Variants in CEP128 observed in about 807,000 individuals in gnomAD.
CEP128 encodes centrosomal protein 128kDa.
CEP128 carries 132 observed loss-of-function variants against 156.7 expected under a neutral mutation model. The observed-to-expected ratio is 0.84, with a 90% CI of 0.73 to 0.97. The LOEUF is 0.97. Ranked by LOEUF, CEP128 falls within the 50% of genes least tolerant of loss-of-function variation. The pLI, the probability that CEP128 is intolerant of heterozygous loss-of-function variation, is 0.00. For synonymous variants in CEP128, 469 were observed against 448.9 expected, an observed-to-expected ratio of 1.04 and a Z score of -0.57; for missense variants, 1,252 against 1,281.9, an observed-to-expected ratio of 0.98 and a Z score of 0.36.
At chr14:80,574,638 T>C (rs573012607) in intron 20 of CEP128, among the ~76,000 whole-genome samples, 4 of 152,298 alleles carry the variant, frequency 2.6e-5, no homozygotes, top group Admixed American at 1.3e-4. Flanking sequence ...CTTTATATTA[T>C]AACACCCTAA....
At chr14:80,817,751 C>T (rs1163245724) in intron 13 of CEP128, among the ~76,000 whole-genome samples, 4 of 151,824 alleles carry the variant, frequency 2.6e-5, no homozygotes, top group Admixed American at 6.6e-5. Flanking sequence ...TGTGGTGGCA[C>T]GCGCCTGTAG....
At chr14:80,642,778 C>CA (rs1894474085) in intron 19 of CEP128, among the ~76,000 whole-genome samples, 1 of 148,002 alleles carries the variant, frequency 6.8e-6, no homozygotes, top group African/African-American at 2.5e-5. Flanking sequence ...TTTTTTGAGA[C>CA]AGAGTCTTGC....
At chr14:80,706,268 G>C (rs897496536) in intron 19 of CEP128, among the ~76,000 whole-genome samples, 1 of 152,082 alleles carries the variant, frequency 6.6e-6, no homozygotes, top group Non-Finnish European at 1.5e-5. Flanking sequence ...TTTCAAGAAT[G>C]AAGAATGAAA....
At chr14:80,893,991 T>C (rs986285403) in intron 8 of CEP128, among the ~76,000 whole-genome samples, 1 of 151,990 alleles carries the variant, frequency 6.6e-6, no homozygotes, top group African/African-American at 2.4e-5. Context: ...TCCTAATTCA[T>C]ACCACAAATA....
At chr14:80,774,612 TGTGTGTGTGTGTGC>T (rs1320611632) in intron 16 of CEP128, among the ~76,000 whole-genome samples, 3 of 145,880 alleles carry the variant, frequency 2.1e-5, no homozygotes, top group Non-Finnish European at 3.0e-5. Context: ...TATACATATG[TGTGTGTGTGTGTGC>T]GTGTGTGTGT....
chr14:80,488,973 AG>A (rs1887235290), downstream of CEP128, among the ~76,000 whole-genome samples: 1 of 123,446 alleles, frequency 8.1e-6, no homozygotes, highest in South Asian at 2.9e-4. Context: ...ATCACACTCC[AG>A]GGACTGTTGT....
intron 19 of CEP128, among the ~76,000 whole-genome samples, chr14:80,643,595 A>T (rs898300559): frequency 6.6e-6 from 1 of 152,102 alleles, no homozygotes; most frequent in Non-Finnish European, 1.5e-5. Flanking sequence ...CTGTAATCCC[A>T]GCTACTCGGG....
rs147101686 is a variant in CEP128 at position 80,572,976 on chromosome 14, G to T, written c.2856+7398C>A. Among the ~76,000 whole-genome samples the T allele has an allele frequency of 2.3e-3, 353 of 152,310 alleles. 1 individual carries two copies. The highest frequency in any genetic ancestry group is 8.2e-3 in the African/African-American group (340 of 41,564). ...CTTGCTCTGTTGGCCAGGCTAGAGT[G>T]CAATGGCGCGATCTCGGCTCACCGC... On this transcript the variant is annotated intron_variant, in intron 20 of 24. Coordinates refer to ENST00000555265, the MANE Select transcript of CEP128 (RefSeq NM_152446.5).
chr14:80,487,521 T>G (rs1422387375), downstream of CEP128, among the ~76,000 whole-genome samples: 1 of 152,064 alleles, frequency 6.6e-6, no homozygotes, highest in African/African-American at 2.4e-5. Flanking sequence ...CTGCACCAAG[T>G]GGACCTAATA....
intron 19 of CEP128, among the ~76,000 whole-genome samples, chr14:80,587,532 C>T (rs1282889218): frequency 1.3e-5 from 2 of 152,150 alleles, no homozygotes; most frequent in African/African-American, 4.8e-5. Flanking sequence ...AGATTTAAAA[C>T]CACTTGCCAC....
At chr14:80,642,708 G>A (rs918253627) in intron 19 of CEP128, among the ~76,000 whole-genome samples, 1 of 150,974 alleles carries the variant, frequency 6.6e-6, no homozygotes, top group African/African-American at 2.4e-5. Context: ...AAATAAACTT[G>A]TAAGAAATGT....
chr14:80,762,257 A>G (rs1900007100), intron 16 of CEP128, among the ~76,000 whole-genome samples: 1 of 136,786 alleles, frequency 7.3e-6, no homozygotes, highest in Admixed American at 7.2e-5. Context: ...GGCAAAAATA[A>G]TTCTAAATCA....
At chr14:80,553,708 T>C (rs1036781077) in intron 21 of CEP128, among the ~76,000 whole-genome samples, 7 of 151,922 alleles carry the variant, frequency 4.6e-5, no homozygotes, top group Non-Finnish European at 8.8e-5. Flanking sequence ...TGCATGGGTA[T>C]AGTTTTAATT....
intron 19 of CEP128, among the ~76,000 whole-genome samples, chr14:80,727,458 G>A (rs1243666822): frequency 6.6e-6 from 1 of 151,826 alleles, no homozygotes; most frequent in South Asian, 2.1e-4. Flanking sequence ...AAAAGAGACC[G>A]AAAAACCAAG....
At chr14:80,898,862 T>C (rs578036237) in intron 7 of CEP128, among the ~76,000 whole-genome samples, 1 of 152,276 alleles carries the variant, frequency 6.6e-6, no homozygotes, top group East Asian at 1.9e-4. Context: ...CATGTGAAAA[T>C]GATTTTGAAC....
chr14:80,639,116 C>CA (rs999449931), intron 19 of CEP128, among the ~76,000 whole-genome samples: 2 of 151,410 alleles, frequency 1.3e-5, no homozygotes, highest in African/African-American at 4.8e-5. Flanking sequence ...GGTATTTAAC[C>CA]AAAAAAAATC....
chr14:80,837,526 G>A (rs145950624), intron 11 of CEP128, among the ~76,000 whole-genome samples: 27 of 152,196 alleles, frequency 1.8e-4, no homozygotes, highest in Middle Eastern at 3.4e-3. Flanking sequence ...GAACATCCTG[G>A]CCAACATGGT....
At chr14:80,494,485 C>T (rs935904406), downstream of CEP128, among the ~76,000 whole-genome samples, 3 of 152,114 alleles carry the variant, frequency 2.0e-5, no homozygotes, top group South Asian at 6.2e-4. Flanking sequence ...TTATCTCTTC[C>T]TAAAAAAAGA....
downstream of CEP128, among the ~76,000 whole-genome samples, chr14:80,488,420 A>T (rs1471873372): frequency 6.6e-6 from 1 of 151,366 alleles, no homozygotes; most frequent in African/African-American, 2.4e-5. Flanking sequence ...ATTGCAAATC[A>T]AAACCACAAT....
Sources: allele counts gnomAD v4.1 joint callset (sites outside exome capture counted in the v4.1 genomes callset), GRCh38; gene constraint gnomAD v4.1.1; transcripts MANE v1.5; gene names NCBI Gene and HGNC (gene_info 2026-07-23, HGNC 2026-07-21).